Variants in KCNG2 observed in about 807,000 individuals in gnomAD.
KCNG2 encodes the protein potassium voltage-gated channel modifier subfamily G member 2.
A neutral mutation model predicts 12.3 loss-of-function variants in KCNG2; 7 were observed. The ratio of observed to expected loss-of-function variants is 0.57; its 90% CI spans 0.32 to 1.07. The LOEUF (loss-of-function observed/expected upper bound fraction) is 1.07, where lower values mean the gene tolerates loss of function less well. Among genes scored for constraint, KCNG2 ranks in the 50% least tolerant of loss-of-function variants. KCNG2 has a pLI of 0.04. For missense variants in KCNG2, 703 were observed against 726.0 expected (o/e 0.97, Z 0.36); for synonymous variants, 414 against 351.4 (o/e 1.18, Z -1.99).
At chr18:79,826,390 G>A (rs1444349657) in intron 1 of KCNG2, among the ~76,000 whole-genome samples, 2 of 152,250 alleles carry the variant, frequency 1.3e-5, no homozygotes, top group Non-Finnish European at 2.9e-5. Flanking sequence ...CTGCCCAGCT[G>A]CCCACCGCAC....
chr18:79,815,641 A>C (rs1255626947), intron 1 of KCNG2, among the ~76,000 whole-genome samples: 1 of 152,068 alleles, frequency 6.6e-6, no homozygotes, highest in Non-Finnish European at 1.5e-5. Context: ...CACAGCACAA[A>C]CCCCCAACTT....
chr18:79,858,246 C>T (rs988648487), intron 2 of KCNG2, among the ~76,000 whole-genome samples: 9 of 152,246 alleles, frequency 5.9e-5, no homozygotes, highest in Non-Finnish European at 1.2e-4. Flanking sequence ...AAGTGATCCA[C>T]CCGCCTCAGC....
At chr18:79,852,154 G>A (rs571924862) in intron 1 of KCNG2, among the ~76,000 whole-genome samples, 135 of 152,272 alleles carry the variant, frequency 8.9e-4, no homozygotes, top group Non-Finnish European at 1.2e-3. Flanking sequence ...GATGGCAAGC[G>A]CTGTGTGTGC....
At chr18:79,871,923 G>A (rs1233248823) in intron 3 of KCNG2, among the ~76,000 whole-genome samples, 2 of 152,256 alleles carry the variant, frequency 1.3e-5, no homozygotes, top group African/African-American at 2.4e-5. Context: ...CGCAGCAGAT[G>A]TGTCACCAGG....
At position 79,859,582 on chromosome 18, in the gene KCNG2, C is replaced by T. The variant is rs138295572; in HGVS notation, c.-41+3130C>T. ...CCCAGCCATGCATGAGGGATCAGCC[C>T]CCATGACCCAAACCCCTCCCATTAG... On this transcript the variant is annotated intron_variant, in intron 2 of 3. Transcript: ENST00000316249. Among the ~76,000 whole-genome samples the T allele has an allele frequency of 2.0e-4, 31 of 152,312 alleles. 1 individual carries two copies. The East Asian group carries it at 5.8e-3, about 28-fold the overall frequency.
chr18:79,875,104 G>T (rs772033449), intron 3 of KCNG2, among the ~76,000 whole-genome samples: 1 of 152,160 alleles, frequency 6.6e-6, no homozygotes, highest in Non-Finnish European at 1.5e-5. Flanking sequence ...CTTCGCCAGG[G>T]TGGGTCATAG....
chr18:79,880,030 A>G (rs1257648680), intron 3 of KCNG2, among the ~76,000 whole-genome samples: 1 of 152,170 alleles, frequency 6.6e-6, no homozygotes, highest in Non-Finnish European at 1.5e-5. Flanking sequence ...GCATGTTCAC[A>G]TTTTCTTAAC....
rs965510325 is a variant in KCNG2, at chr18:79,896,365, C to T, written c.625-2675C>T. Reference sequence around the variant, plus strand: ...AATCAGAACCTACTTCAGGTTTGTGCGTAATTCCAGTGAGATGGAGATATT... The same window carrying T: ...AATCAGAACCTACTTCAGGTTTGTGTGTAATTCCAGTGAGATGGAGATATT... On this transcript the variant is annotated intron_variant, in intron 3 of 3. Coordinates refer to ENST00000316249, the MANE Select transcript of KCNG2 (RefSeq NM_012283.2). Among the ~76,000 whole-genome samples, 14 of 151,956 alleles carry T rather than the reference C, an allele frequency of 9.2e-5. No individual in the cohort carries two copies. The East Asian group carries it at 9.6e-4, about 10-fold the overall frequency.
At chr18:79,818,439 C>A (rs1233159600) in intron 1 of KCNG2, among the ~76,000 whole-genome samples, 1 of 152,160 alleles carries the variant, frequency 6.6e-6, no homozygotes, top group African/African-American at 2.4e-5. Context: ...TCCTCCCCCG[C>A]TGCCTGGCCC....
chr18:79,863,918 T>C lies in KCNG2; in HGVS notation c.251T>C (p.Leu84Pro). The C allele has an allele frequency of 1.4e-6, 2 of 1,391,504 alleles. No individual in the cohort carries two copies. The highest frequency in any genetic ancestry group is 1.9e-6 in the Non-Finnish European group (2 of 1,067,792). 86.2% of individuals were successfully genotyped at this position (1,391,504 alleles called of 1,614,324 possible). A position where few individuals can be genotyped will look rare whatever the true frequency, so the allele number is the denominator to read the frequency against. ...SPCAFRAIVALLRAGKLRLLR... is the reference protein window; with the variant it reads ...SPCAFRAIVAPLRAGKLRLLR... ...TGCGCCTTCCGCGCCATCGTGGCGCTTTTGCGCGCAGGGAAGCTGCGACTG... is the reference window on the plus strand; with the variant it reads ...TGCGCCTTCCGCGCCATCGTGGCGCCTTTGCGCGCAGGGAAGCTGCGACTG... Residue 84 changes from leucine (L) to proline (P), a missense_variant, in exon 3 of 4, where the codon CTT becomes CCT. Leu to Pro is a moderately conservative substitution (Grantham distance 98). Transcript: ENST00000316249.
intron 3 of KCNG2, among the ~76,000 whole-genome samples, chr18:79,879,465 G>A (rs1017815487): frequency 5.3e-5 from 8 of 150,954 alleles, no homozygotes; most frequent in African/African-American, 1.9e-4. Context: ...GAGCAGGGCT[G>A]TGTCCATGAA....
chr18:79,846,374 C>CAAAAAAAA (rs11421957), intron 1 of KCNG2, among the ~76,000 whole-genome samples: 1 of 61,598 alleles, frequency 1.6e-5, no homozygotes, highest in Admixed American at 2.1e-4. Flanking sequence ...GACTCCGTCT[C>CAAAAAAAA]AAAAAAAAAA....
chr18:79,858,526 C>A (rs943809920), intron 2 of KCNG2, among the ~76,000 whole-genome samples: 2 of 152,162 alleles, frequency 1.3e-5, no homozygotes, highest in Non-Finnish European at 2.9e-5. Context: ...CCACTGTGAA[C>A]ATTTATGTAC....
Position 79,863,725 on chromosome 18 carries a change from A to G in KCNG2, c.58A>G (p.Ile20Val), listed in dbSNP as rs1033535169. 4 of 1,204,720 alleles carry G rather than the reference A, an allele frequency of 3.3e-6. No homozygotes were observed. Among genetic ancestry groups the G allele is most frequent in the African/African-American group, 1.6e-5 (1 of 62,962 alleles). 74.6% of individuals were successfully genotyped at this position (1,204,720 alleles called of 1,614,324 possible). The change falls in exon 3 of 4, where the codon ATC becomes GTC. Residue 20 changes from isoleucine to valine, a missense_variant. By Grantham distance (29) the Ile-to-Val change is conservative. Transcript: ENST00000316249. ...CGGCGGGACCCGCGCCCGGCACGTC[A>G]TCATCAACGTGGGCGGCTGCCGCGT... ...GGGGTRARHV[I>V]INVGGCRVRL...
chr18:79,880,316 C>CAAAAA lies in KCNG2; in HGVS notation c.624+16041_624+16045dup, dbSNP rs59558361. Among the ~76,000 whole-genome samples the CAAAAA allele has an allele frequency of 5.7e-4, 58 of 101,282 alleles. 1 individual carries two copies. Among genetic ancestry groups the CAAAAA allele is most frequent in the Non-Finnish European group, 8.1e-4 (42 of 51,740 alleles). 66.4% of individuals were successfully genotyped at this position (101,282 alleles called of 152,430 possible). A position where few individuals can be genotyped will look rare whatever the true frequency, so the allele number is the denominator to read the frequency against. ...TGGGTGACAGAGTGAGACTCTGTCT[C>CAAAAA]AAAAAAAAAAAAAAAAAAAATTACA... On this transcript the variant is annotated intron_variant, in intron 3 of 3. Transcript: ENST00000316249.
At chr18:79,852,553 A>G (rs1287697952) in intron 1 of KCNG2, among the ~76,000 whole-genome samples, 1 of 152,272 alleles carries the variant, frequency 6.6e-6, no homozygotes, top group Non-Finnish European at 1.5e-5. Context: ...CTGGGAGCCC[A>G]GTTCCAGCCT....
chr18:79,895,595 G>A (rs922246514), intron 3 of KCNG2, among the ~76,000 whole-genome samples: 14 of 151,218 alleles, frequency 9.3e-5, no homozygotes, highest in African/African-American at 2.4e-4. Flanking sequence ...GCTTTTGATC[G>A]GGTTCTTCAT....
At chr18:79,802,906 C>T (rs773109858) in intron 1 of KCNG2, among the ~76,000 whole-genome samples, 2 of 152,188 alleles carry the variant, frequency 1.3e-5, no homozygotes, top group African/African-American at 4.8e-5. Flanking sequence ...TGGCTGGGTG[C>T]GGTGGCTCAC....
chr18:79,830,759 A>C (rs1381323210), intron 1 of KCNG2, among the ~76,000 whole-genome samples: 3 of 148,308 alleles, frequency 2.0e-5, no homozygotes, highest in African/African-American at 7.5e-5. Flanking sequence ...CCCTGCGGAC[A>C]GAGCCTTCGT....
Sources: gnomAD v4.1 joint callset for allele counts (sites outside exome capture counted in the v4.1 genomes callset) on GRCh38, gnomAD v4.1.1 for gene constraint, MANE v1.5 for transcripts, NCBI Gene and HGNC (gene_info 2026-07-23, HGNC 2026-07-21) for gene names.